SHISA9: variants seen among roughly 807,000 people sequenced by gnomAD.
The protein encoded by SHISA9 is protein shisa-9.
In SHISA9, 13 loss-of-function variants were observed where a neutral mutation model predicts 38.0. The observed-to-expected ratio is 0.34, with a 90% CI of 0.22 to 0.54. The LOEUF is 0.54. SHISA9 is among the 20% of genes least tolerant of loss of function. The pLI is 0.91. For synonymous variants in SHISA9, 275 were observed against 242.0 expected, an observed-to-expected ratio of 1.14 and a Z score of -1.27; for missense variants, 538 against 575.8, an observed-to-expected ratio of 0.93 and a Z score of 0.67.
chr16:13,322,887 C>T, the SHISA9 span, among the ~76,000 whole-genome samples: 1 of 152,080 alleles, frequency 6.6e-6, no homozygotes, highest in African/African-American at 2.4e-5. Flanking sequence ...TACTACCACC[C>T]AATAAAATCT....
chr16:13,468,946 C>T, the SHISA9 span, among the ~76,000 whole-genome samples: 73 of 150,670 alleles, frequency 4.8e-4, 2 homozygotes, highest in Non-Finnish European at 1.5e-4. Context: ...TATAAAACAA[C>T]AACAACAAAA....
At chr16:12,980,297 T>G (rs2072223676) in intron 2 of SHISA9, among the ~76,000 whole-genome samples, 1 of 152,194 alleles carries the variant, frequency 6.6e-6, no homozygotes, top group African/African-American at 2.4e-5. Flanking sequence ...TGGCAAATCT[T>G]TGAGGTCTCG....
chr16:13,531,796 C>T, the SHISA9 span, among the ~76,000 whole-genome samples: 2 of 152,080 alleles, frequency 1.3e-5, no homozygotes, highest in Admixed American at 6.5e-5. Context: ...GGAATACTCA[C>T]CTCTTAAAAT....
At chr16:13,532,136 A>C in the SHISA9 span, among the ~76,000 whole-genome samples, 2 of 152,206 alleles carry the variant, frequency 1.3e-5, no homozygotes, top group African/African-American at 4.8e-5. Flanking sequence ...AGAGAATGAA[A>C]ACCAGTTGTC....
At chr16:13,426,286 C>T in the SHISA9 span, among the ~76,000 whole-genome samples, 4 of 152,108 alleles carry the variant, frequency 2.6e-5, no homozygotes, top group African/African-American at 9.7e-5. Flanking sequence ...GGCCCCATTC[C>T]TTTTTCCATT....
the SHISA9 span, among the ~76,000 whole-genome samples, chr16:13,508,396 A>C: frequency 2.6e-5 from 4 of 152,216 alleles, no homozygotes; most frequent in Non-Finnish European, 5.9e-5. Context: ...ATTGGAAATA[A>C]CACTGAGTAC....
At chr16:12,906,265 A>G (rs1432444341) in intron 1 of SHISA9, among the ~76,000 whole-genome samples, 3 of 152,196 alleles carry the variant, frequency 2.0e-5, no homozygotes, top group African/African-American at 7.2e-5. Context: ...CTGAAAGCAT[A>G]TTCTCTTGAA....
At chr16:13,454,573 G>A in the SHISA9 span, among the ~76,000 whole-genome samples, 1 of 152,162 alleles carries the variant, frequency 6.6e-6, no homozygotes, top group Non-Finnish European at 1.5e-5. Context: ...GAAGACTCAG[G>A]AAGAAATATG....
At chr16:13,220,752 C>T (rs1309928520) in intron 4 of SHISA9, among the ~76,000 whole-genome samples, 2 of 152,154 alleles carry the variant, frequency 1.3e-5, no homozygotes, top group East Asian at 1.9e-4. Context: ...GTGTGGGAAT[C>T]GGTGGGAGGG....
the SHISA9 span, among the ~76,000 whole-genome samples, chr16:13,542,597 C>A: frequency 1.2e-4 from 19 of 152,132 alleles, no homozygotes; most frequent in Non-Finnish European, 2.8e-4. Flanking sequence ...AGTATGCCCC[C>A]CCCTACTCTA....
chr16:13,199,529 C>T (rs1464733041), intron 2 of SHISA9, among the ~76,000 whole-genome samples: 1 of 152,154 alleles, frequency 6.6e-6, no homozygotes, highest in Non-Finnish European at 1.5e-5. Context: ...GAGCCAGGAG[C>T]CACAAAAAAC....
chr16:12,970,584 C>T (rs1295556048), intron 2 of SHISA9, among the ~76,000 whole-genome samples: 1 of 130,032 alleles, frequency 7.7e-6, no homozygotes, highest in Non-Finnish European at 1.6e-5. Flanking sequence ...AATCTCAGCT[C>T]ACTGCAACCT....
chr16:13,074,114 C>T (rs191280724), intron 2 of SHISA9, among the ~76,000 whole-genome samples: 2 of 151,916 alleles, frequency 1.3e-5, no homozygotes, highest in Non-Finnish European at 1.5e-5. Flanking sequence ...GAATTACAGG[C>T]GCCCGCCATC....
intron 4 of SHISA9, among the ~76,000 whole-genome samples, chr16:13,213,506 C>A (rs188278024): frequency 1.8e-3 from 269 of 152,126 alleles, no homozygotes; most frequent in Non-Finnish European, 2.8e-3. Flanking sequence ...TGTTGGACAA[C>A]GTGGTAGCCC....
At chr16:12,948,204 T>G (rs2071711109) in intron 2 of SHISA9, among the ~76,000 whole-genome samples, 2 of 152,198 alleles carry the variant, frequency 1.3e-5, no homozygotes, top group East Asian at 3.8e-4. Flanking sequence ...GTCTACTCAT[T>G]TGCTCAGGGT....
intron 4 of SHISA9, among the ~76,000 whole-genome samples, chr16:13,217,668 A>C (rs912099526): frequency 6.6e-6 from 1 of 152,208 alleles, no homozygotes; most frequent in South Asian, 2.1e-4. Context: ...CAGTACTCAC[A>C]AAGTCTCCAT....
intron 2 of SHISA9, among the ~76,000 whole-genome samples, chr16:13,013,750 C>A (rs755483669): frequency 6.6e-6 from 1 of 150,998 alleles, no homozygotes; most frequent in Admixed American, 6.6e-5. Flanking sequence ...TTTTTTGAGA[C>A]GGAGTCTCGC....
the SHISA9 span, among the ~76,000 whole-genome samples, chr16:13,418,654 A>G: frequency 1.3e-5 from 2 of 152,204 alleles, no homozygotes; most frequent in Non-Finnish European, 2.9e-5. Flanking sequence ...ATGTGGGGCA[A>G]ACTGGGATGT....
At chr16:12,970,933 G>C (rs573440265) in intron 2 of SHISA9, among the ~76,000 whole-genome samples, 1 of 152,252 alleles carries the variant, frequency 6.6e-6, no homozygotes, top group South Asian at 2.1e-4. Flanking sequence ...AACAGTGTCT[G>C]ATACATGGGA....
Sources: gnomAD v4.1 joint callset for allele counts (sites outside exome capture counted in the v4.1 genomes callset) on GRCh38, gnomAD v4.1.1 for gene constraint, MANE v1.5 for transcripts, NCBI Gene and HGNC (gene_info 2026-07-23, HGNC 2026-07-21) for gene names.